Variants in GRID2 observed in about 807,000 individuals in gnomAD.
GRID2 encodes glutamate ionotropic receptor delta type subunit 2.
GRID2 carries 33 observed loss-of-function variants against 114.8 expected under a neutral mutation model. The observed-to-expected ratio is 0.29, with a 90% CI of 0.22 to 0.38. The LOEUF (loss-of-function observed/expected upper bound fraction) is 0.38. Among genes scored for constraint, GRID2 ranks in the 10% least tolerant of loss-of-function variants. The pLI, the probability that GRID2 is intolerant of heterozygous loss-of-function variation, is 1.00. For missense variants in GRID2, 1,184 were observed against 1,257.7 expected, an observed-to-expected ratio of 0.94 and a Z score of 0.89; for synonymous variants, 505 against 449.9, an observed-to-expected ratio of 1.12 and a Z score of -1.55.
rs138848865 is a variant in GRID2, at chr4:92,386,854, T to A, written c.88+82110T>A. Among the ~76,000 whole-genome samples, 368 of 152,008 alleles carry A rather than the reference T, an allele frequency of 2.4e-3. 1 individual carries two copies. Among genetic ancestry groups the A allele is most frequent in the African/African-American group, 8.6e-3 (356 of 41,544 alleles). On this transcript the variant is annotated intron_variant, in intron 1 of 15. Transcript: ENST00000282020. ...ATGCTATGGAGGATTAGAAAGCTGA[T>A]TAACTTGAGATACATAGCCTCATGT...
chr4:92,767,249 G>T (rs1478996118), intron 2 of GRID2, among the ~76,000 whole-genome samples: 1 of 152,160 alleles, frequency 6.6e-6, no homozygotes, highest in Non-Finnish European at 1.5e-5. Flanking sequence ...AAGTATCTGG[G>T]TCCCTGATGA....
chr4:92,495,764 A>G (rs986510290), intron 1 of GRID2, among the ~76,000 whole-genome samples: 8 of 151,930 alleles, frequency 5.3e-5, no homozygotes, highest in African/African-American at 1.9e-4. Flanking sequence ...TTAAAATTCA[A>G]AGTAATTGTG....
downstream of GRID2, among the ~76,000 whole-genome samples, chr4:93,776,390 A>G (rs111729917): frequency 8.6e-4 from 131 of 152,374 alleles, no homozygotes; most frequent in African/African-American, 3.1e-3. Flanking sequence ...CTGAAAAGTC[A>G]GAGAATAAAG....
intron 2 of GRID2, among the ~76,000 whole-genome samples, chr4:92,784,072 G>A (rs994317541): frequency 2.0e-5 from 3 of 151,794 alleles, no homozygotes; most frequent in African/African-American, 7.3e-5. Flanking sequence ...TTTATCTGGT[G>A]TGCTTTTGTT....
intron 2 of GRID2, among the ~76,000 whole-genome samples, chr4:92,743,535 A>G (rs377163216): frequency 1.3e-5 from 2 of 152,128 alleles, no homozygotes; most frequent in African/African-American, 2.4e-5. Flanking sequence ...TCTTCACTAC[A>G]TATTTTTATT....
At chr4:92,308,841 T>C (rs1229419577) in intron 1 of GRID2, among the ~76,000 whole-genome samples, 1 of 152,042 alleles carries the variant, frequency 6.6e-6, no homozygotes, top group African/African-American at 2.4e-5. Context: ...AATGATATTT[T>C]ATCCTTTTTC....
At chr4:93,603,381 A>G (rs1454040491) in intron 13 of GRID2, among the ~76,000 whole-genome samples, 2 of 152,218 alleles carry the variant, frequency 1.3e-5, no homozygotes, top group East Asian at 3.9e-4. Context: ...ATTCACCTCT[A>G]TGAGAAACAT....
At position 92,775,539 on chromosome 4, in the gene GRID2, T is replaced by G. The variant is rs561118338; in HGVS notation, c.244+185253T>G. On this transcript the variant is annotated intron_variant, in intron 2 of 15. Coordinates refer to ENST00000282020, the MANE Select transcript of GRID2 (RefSeq NM_001510.4). ...GCAAATTTCAGAGTATGCTAAAAAT[T>G]TCTATTTTTGTTCCTGTTAATTTTT... Among the ~76,000 whole-genome samples the G allele has an allele frequency of 8.5e-4, 129 of 152,240 alleles. 1 individual carries two copies. The highest frequency in any genetic ancestry group is 2.9e-3 in the African/African-American group (121 of 41,556).
Position 93,772,083 on chromosome 4 carries a change from A to G in GRID2, c.2609A>G (p.Lys870Arg), listed in dbSNP as rs1052666083. 6 of 1,599,548 alleles carry G rather than the reference A, an allele frequency of 3.8e-6. No individual in the cohort carries two copies. Among genetic ancestry groups the G allele is most frequent in the Admixed American group, 3.3e-5 (2 of 59,802 alleles). Residue 870 changes from lysine (K) to arginine (R), a missense_variant, in exon 16 of 16, where the codon AAG becomes AGG. By Grantham distance (26) the Lys-to-Arg change is conservative. This residue lies in a region of GRID2 where 717 missense variants were observed against 796.9 expected (regional missense o/e 0.90). Transcript: ENST00000282020. ...GSRVPSKEDD[K>R]EIDLEHLHRR... is the part of the protein sequence containing the mutation. ...CTTTTTCTTCATCTCCAGGATGACA[A>G]GGAAATTGACCTGGAGCACCTCCAT...
intron 2 of GRID2, among the ~76,000 whole-genome samples, chr4:92,786,725 TATTC>T (rs1403085380): frequency 6.6e-6 from 1 of 151,986 alleles, no homozygotes; most frequent in Non-Finnish European, 1.5e-5. Context: ...GATGATGCTG[TATTC>T]ATTATTACTT....
At position 93,644,312 on chromosome 4, in the gene GRID2, C is replaced by T. The variant is rs1456505999; in HGVS notation, c.2360+17877C>T. ...TGGGAGCTGTAGACCGGAGCTGTTC[C>T]TATTCGGCCATCTTGGCTCCTCCCC... On this transcript the variant is annotated intron_variant, in intron 14 of 15. Transcript: ENST00000282020. Among the ~76,000 whole-genome samples, 3 of 47,994 alleles carry T rather than the reference C, an allele frequency of 6.3e-5. 1 individual carries two copies. Among genetic ancestry groups the T allele is most frequent in the Non-Finnish European group, 1.2e-4 (3 of 24,176 alleles). 31.5% of individuals were successfully genotyped at this position (47,994 alleles called of 152,430 possible).
At chr4:93,638,072 T>C (rs762058955) in intron 14 of GRID2, among the ~76,000 whole-genome samples, 2 of 152,148 alleles carry the variant, frequency 1.3e-5, no homozygotes, top group South Asian at 4.1e-4. Flanking sequence ...ACATAAGCTC[T>C]AACGATTTCT....
chr4:92,340,326 C>G (rs1727417346), intron 1 of GRID2, among the ~76,000 whole-genome samples: 1 of 152,168 alleles, frequency 6.6e-6, no homozygotes, highest in Non-Finnish European at 1.5e-5. Context: ...CTATTTGCCA[C>G]ATTTTCCCGC....
intron 4 of GRID2, among the ~76,000 whole-genome samples, chr4:93,174,108 G>T (rs1020523823): frequency 6.6e-6 from 1 of 152,090 alleles, no homozygotes; most frequent in Non-Finnish European, 1.5e-5. Flanking sequence ...AGCTTATTCA[G>T]ATTTCACAAG....
intron 1 of GRID2, among the ~76,000 whole-genome samples, chr4:92,551,168 T>A (rs1376116): frequency 0.22 from 33,687 of 151,952 alleles, 4,623 homozygotes; most frequent in African/African-American, 0.39. Flanking sequence ...CCACAGAGGC[T>A]AAGTGATTAG....
intron 14 of GRID2, among the ~76,000 whole-genome samples, chr4:93,766,805 G>C (rs1360052371): frequency 6.6e-6 from 1 of 152,014 alleles, no homozygotes; most frequent in Non-Finnish European, 1.5e-5. Context: ...TTATTATTAT[G>C]GTAAGAATTC....
At chr4:92,530,537 G>A (rs921569299) in intron 1 of GRID2, among the ~76,000 whole-genome samples, 4 of 146,960 alleles carry the variant, frequency 2.7e-5, no homozygotes, top group East Asian at 2.0e-4. Context: ...AGAGACTTCC[G>A]AGACACGAGA....
chr4:92,986,958 C>T (rs1219510722), intron 2 of GRID2, among the ~76,000 whole-genome samples: 3 of 151,980 alleles, frequency 2.0e-5, no homozygotes, highest in Non-Finnish European at 4.4e-5. Flanking sequence ...CCCCCAAAAG[C>T]CTCAAACCTG....
At chr4:93,011,562 C>G (rs145519002) in intron 2 of GRID2, among the ~76,000 whole-genome samples, 1,606 of 152,210 alleles carry the variant, frequency 0.011, 13 homozygotes, top group Non-Finnish European at 0.017. Flanking sequence ...TATGAAAATA[C>G]TTACCATTTC....
Sources: allele counts gnomAD v4.1 joint callset (sites outside exome capture counted in the v4.1 genomes callset), GRCh38; gene constraint gnomAD v4.1.1; regional missense constraint gnomAD v4.1.1; transcripts MANE v1.5; gene names NCBI Gene and HGNC (gene_info 2026-07-23, HGNC 2026-07-21).